Variants in SLC6A13 observed in about 807,000 individuals in gnomAD.
The protein encoded by SLC6A13 is solute carrier family 6 member 13, also known as sodium- and chloride-dependent GABA transporter 2.
In SLC6A13, 69 loss-of-function variants were observed where a neutral mutation model predicts 72.9. That is an observed-to-expected ratio of 0.95 (90% CI 0.78 to 1.16). The LOEUF (loss-of-function observed/expected upper bound fraction) is 1.16. Among genes scored for constraint, SLC6A13 ranks in the 50% most tolerant of loss-of-function variants. The probability of loss-of-function intolerance (pLI) is 0.00; values close to 1 mark genes in which losing one functional copy is unlikely to be tolerated. For synonymous variants in SLC6A13, 303 were observed against 303.0 expected, an observed-to-expected ratio of 1.00 and a Z score of 0.00; for missense variants, 735 against 760.5, an observed-to-expected ratio of 0.97 and a Z score of 0.39.
At chr12:233,752 C>T (rs1941812694) in intron 7 of SLC6A13, among the ~76,000 whole-genome samples, 1 of 152,138 alleles carries the variant, frequency 6.6e-6, no homozygotes, top group African/African-American at 2.4e-5. Flanking sequence ...AGAGATATTA[C>T]TAGAAATACT....
intron 7 of SLC6A13, among the ~76,000 whole-genome samples, chr12:228,292 C>T (rs1029415207): frequency 1.1e-4 from 16 of 152,174 alleles, no homozygotes; most frequent in African/African-American, 3.9e-4. Flanking sequence ...GCTCGCCCAG[C>T]CCGTGCATGT....
In SLC6A13 at chr12:221,368, G is replaced by A. The variant is rs1941202481; in HGVS notation, c.1686+8C>T. 2 of 1,582,570 alleles carry A rather than the reference G, an allele frequency of 1.3e-6. No individual in the cohort carries two copies. The highest frequency in any genetic ancestry group is 1.3e-5 in the African/African-American group (1 of 74,706). ...CTCTGGCTGCTTTCCTGCCCGCAAA[G>A]GCCCTACCTCTCTGAAGGGGCCCTT... On this transcript the variant is annotated splice_region_variant and intron_variant, in intron 14 of 14. Coordinates refer to ENST00000343164, the MANE Select transcript of SLC6A13 (RefSeq NM_016615.5).
intron 2 of SLC6A13, among the ~76,000 whole-genome samples, chr12:244,831 A>G (rs1942292025): frequency 1.3e-5 from 2 of 152,184 alleles, no homozygotes; most frequent in Non-Finnish European, 2.9e-5. Context: ...AACCTCCAAA[A>G]CTATAATAAA....
intron 2 of SLC6A13, among the ~76,000 whole-genome samples, chr12:244,103 T>A (rs943274920): frequency 2.0e-5 from 3 of 152,234 alleles, no homozygotes; most frequent in Non-Finnish European, 2.9e-5. Flanking sequence ...CTTGTGGCAA[T>A]AACAAGGAGC....
At chr12:245,433 G>C (rs1942314454) in intron 2 of SLC6A13, among the ~76,000 whole-genome samples, 1 of 152,168 alleles carries the variant, frequency 6.6e-6, no homozygotes, top group Admixed American at 6.5e-5. Flanking sequence ...TGTAATCCCA[G>C]CACTTCGGGA....
intron 7 of SLC6A13, 123 bp downstream of exon 7, chr12:234,967 T>C: frequency 1.8e-6 from 2 of 1,082,642 alleles, no homozygotes; most frequent in East Asian, 4.8e-5. Flanking sequence ...GGTGCACCTC[T>C]GCTGCCACTG....
chr12:242,844 G>T, intron 3 of SLC6A13, 90 bp from the exon 4 acceptor site: 10 of 1,260,980 alleles, frequency 7.9e-6, no homozygotes, highest in Admixed American at 2.2e-5. Context: ...TGAGGTGAGA[G>T]GATTGTCTGA....
In SLC6A13 at chr12:221,048, G is replaced by A; in HGVS notation, c.1709C>T (p.Pro570Leu). 1 of 1,609,366 alleles carries A rather than the reference G, an allele frequency of 6.2e-7. No individual in the cohort carries two copies. The highest frequency in any genetic ancestry group is 8.5e-7 in the Non-Finnish European group (1 of 1,178,684). The stretch of plus-strand genomic sequence containing the variant: ...GTTCCGCTGGGGCAGGTCCTCGGCT[G>A]GGCACATGAGCTGACGGATTCTCTG... ...FRERIRQLMC[P>L]AEDLPQRNPA... The change falls in exon 15 of 15, where the codon CCA becomes CTA. Residue 570 changes from proline (P) to leucine (L), a missense_variant. Pro to Leu is a moderately conservative substitution (Grantham distance 98). Coordinates refer to ENST00000343164, the MANE Select transcript of SLC6A13 (RefSeq NM_016615.5).
intron 2 of SLC6A13, among the ~76,000 whole-genome samples, chr12:246,826 G>A (rs1004952436): frequency 2.6e-5 from 4 of 152,008 alleles, no homozygotes; most frequent in African/African-American, 7.2e-5. Flanking sequence ...CAGCCAACAT[G>A]GTGAAACCCT....
Position 237,143 on chromosome 12 carries a change from G to A in SLC6A13, c.696+15C>T. ...GAGTCCGGGAATGGGAGGGGCAGGA[G>A]CTCCCCACACGAACCTTGCCTGTGG... On this transcript the variant is annotated intron_variant, in intron 6 of 14. Transcript: ENST00000343164. 1 of 1,613,546 alleles carries A rather than the reference G, an allele frequency of 6.2e-7. No individual in the cohort carries two copies. Among genetic ancestry groups the A allele is most frequent in the Non-Finnish European group, 8.5e-7 (1 of 1,179,710 alleles).
chr12:246,704 CAG>C (rs1942361859), intron 2 of SLC6A13, among the ~76,000 whole-genome samples: 1 of 151,970 alleles, frequency 6.6e-6, no homozygotes, highest in African/African-American at 2.4e-5. Context: ...AAATAAAACA[CAG>C]AGAGAAAAAA....
chr12:226,589 G>A, intron 8 of SLC6A13, 75 bp from the exon 9 acceptor site: 1 of 1,522,114 alleles, frequency 6.6e-7, no homozygotes, highest in Non-Finnish European at 8.9e-7. Context: ...CTTCCTGTCT[G>A]GGAGCACAGC....
intron 1 of SLC6A13, among the ~76,000 whole-genome samples, chr12:260,733 C>T (rs1942899051): frequency 6.6e-6 from 1 of 152,090 alleles, no homozygotes; most frequent in Admixed American, 6.5e-5. Flanking sequence ...TAGTAAAAAA[C>T]AGTACATACA....
chr12:221,582 G>T, intron 13 of SLC6A13, 36 bp from the exon 14 acceptor site: 2 of 1,423,596 alleles, frequency 1.4e-6, no homozygotes, highest in East Asian at 2.4e-5. Flanking sequence ...GGGTTGGGGG[G>T]CGGGGGCCTT....
intron 9 of SLC6A13, among the ~76,000 whole-genome samples, chr12:224,928 G>A (rs1041043164): frequency 2.0e-5 from 3 of 152,186 alleles, no homozygotes; most frequent in South Asian, 4.1e-4. Context: ...GAGCGATCAC[G>A]CCCCAGCTCC....
chr12:259,007 G>C (rs569329953), intron 2 of SLC6A13: 1 of 984,414 alleles, frequency 1.0e-6, no homozygotes, highest in East Asian at 1.1e-4. Flanking sequence ...GTCATCATCA[G>C]CAGAGCTACT....
intron 8 of SLC6A13, 185 bp from the exon 9 acceptor site, chr12:226,699 A>G: frequency 3.3e-6 from 2 of 608,016 alleles, no homozygotes; most frequent in South Asian, 4.2e-5. Flanking sequence ...CTCCTCCGAC[A>G]CTCCTCGGCC....
intron 2 of SLC6A13, chr12:259,422 C>A (rs576524334): frequency 1.8e-6 from 2 of 1,091,424 alleles, no homozygotes; most frequent in African/African-American, 3.2e-5. Context: ...TCAACGTCAT[C>A]ATCAGCAGAG....
At chr12:251,223 A>G (rs1025977610) in intron 2 of SLC6A13, among the ~76,000 whole-genome samples, 7 of 152,174 alleles carry the variant, frequency 4.6e-5, no homozygotes, top group African/African-American at 1.7e-4. Flanking sequence ...CCTGGTATTT[A>G]TATTATCCTC....
Sources: allele counts gnomAD v4.1 joint callset (sites outside exome capture counted in the v4.1 genomes callset), GRCh38; gene constraint gnomAD v4.1.1; transcripts MANE v1.5; gene names NCBI Gene and HGNC (gene_info 2026-07-23, HGNC 2026-07-21).